LRRC37A2: variants seen among roughly 807,000 people sequenced by gnomAD.
LRRC37A2 encodes leucine-rich repeat-containing protein 37A2.
A neutral mutation model predicts 68.8 loss-of-function variants in LRRC37A2; 9 were observed. The observed-to-expected ratio is 0.13, with a 90% CI of 0.08 to 0.23. LRRC37A2 has a LOEUF of 0.23. LRRC37A2 is among the 10% of genes least tolerant of loss of function. LRRC37A2 has a pLI of 1.00. For synonymous variants in LRRC37A2, 63 were observed against 367.6 expected (o/e 0.17, Z 9.48); for missense variants, 168 against 950.4 (o/e 0.18, Z 10.82).
chr17:46,848,932 GCA>G, the LRRC37A2 span, among the ~76,000 whole-genome samples: 4 of 146,138 alleles, frequency 2.7e-5, no homozygotes, highest in Non-Finnish European at 4.6e-5. Context: ...GTGTGCACGT[GCA>G]CACACACACA....
the LRRC37A2 span, among the ~76,000 whole-genome samples, chr17:46,725,345 A>G: frequency 1.3e-5 from 2 of 152,184 alleles, no homozygotes; most frequent in Non-Finnish European, 2.9e-5. Context: ...ACGAAAGGAT[A>G]GATGGGGTTT....
chr17:46,534,747 GCTC>G (rs2054343293), intron 6 of LRRC37A2, among the ~76,000 whole-genome samples: 1 of 150,056 alleles, frequency 6.7e-6, no homozygotes, highest in Non-Finnish European at 1.5e-5. Flanking sequence ...GGGCAGAGGG[GCTC>G]CTCACTTCCC....
the LRRC37A2 span, among the ~76,000 whole-genome samples, chr17:46,661,378 T>TTTATTATGATTA: frequency 9.4e-6 from 1 of 106,564 alleles, no homozygotes; most frequent in African/African-American, 4.4e-5. Flanking sequence ...TACATTTCTT[T>TTTATTATGATTA]TTATTATTAT....
the LRRC37A2 span, among the ~76,000 whole-genome samples, chr17:46,794,755 T>C: frequency 7.0e-6 from 1 of 142,652 alleles, no homozygotes; most frequent in Non-Finnish European, 1.5e-5. Flanking sequence ...TCTTTTTCTT[T>C]TTTTTTTTTT....
chr17:46,907,579 G>A, the LRRC37A2 span, among the ~76,000 whole-genome samples: 3 of 147,288 alleles, frequency 2.0e-5, no homozygotes, highest in South Asian at 6.5e-4. Flanking sequence ...GCTCACACCT[G>A]TAGCTCCAGC....
the LRRC37A2 span, chr17:46,941,394 T>G: frequency 3.1e-6 from 3 of 982,662 alleles, no homozygotes; most frequent in East Asian, 2.3e-4. Context: ...TCGATATTCA[T>G]TTTTATAACT....
At chr17:47,003,121 AG>A in the LRRC37A2 span, among the ~76,000 whole-genome samples, 5 of 151,370 alleles carry the variant, frequency 3.3e-5, no homozygotes, top group Non-Finnish European at 7.4e-5. Flanking sequence ...TTGGTGGTCC[AG>A]GTCTGTAGTC....
the LRRC37A2 span, chr17:46,929,620 C>G: frequency 9.7e-7 from 1 of 1,032,450 alleles, no homozygotes; most frequent in Non-Finnish European, 1.5e-6. Flanking sequence ...AGTCCTTTCT[C>G]TGATGACAGG....
chr17:47,038,002 A>T, the LRRC37A2 span, among the ~76,000 whole-genome samples: 1 of 151,430 alleles, frequency 6.6e-6, no homozygotes, highest in African/African-American at 2.4e-5. Flanking sequence ...TCTAATTTTA[A>T]TAATTTGGTC....
At chr17:46,752,016 A>G in the LRRC37A2 span, among the ~76,000 whole-genome samples, 1 of 152,188 alleles carries the variant, frequency 6.6e-6, no homozygotes, top group South Asian at 2.1e-4. Flanking sequence ...TTGCACCTCA[A>G]GTCAGTAAGC....
the LRRC37A2 span, among the ~76,000 whole-genome samples, chr17:46,569,349 T>TTA: frequency 0.12 from 16,478 of 142,434 alleles, 4 homozygotes; most frequent in Middle Eastern, 0.18. Flanking sequence ...CATGAAGATT[T>TTA]TATATATATA....
At chr17:46,818,367 G>A in the LRRC37A2 span, 7 of 719,148 alleles carry the variant, frequency 9.7e-6, no homozygotes, top group African/African-American at 1.5e-4. Flanking sequence ...GACACCAGCA[G>A]AAAATCCAGG....
chr17:46,762,525 CTCTT>C, the LRRC37A2 span: 1 of 151,546 alleles, frequency 6.6e-6, no homozygotes, highest in African/African-American at 2.4e-5. Context: ...TGTTTACCTT[CTCTT>C]TAATGACTTA....
At chr17:46,823,829 T>A in the LRRC37A2 span, among the ~76,000 whole-genome samples, 1 of 152,198 alleles carries the variant, frequency 6.6e-6, no homozygotes, top group African/African-American at 2.4e-5. Context: ...CGGTTGCCTG[T>A]CATCTCTGAG....
the LRRC37A2 span, among the ~76,000 whole-genome samples, chr17:46,976,439 C>G: frequency 6.6e-6 from 1 of 151,762 alleles, no homozygotes; most frequent in Non-Finnish European, 1.5e-5. Context: ...CCCAGCTATT[C>G]CGGAGGCTGA....
At chr17:46,778,446 C>A in the LRRC37A2 span, among the ~76,000 whole-genome samples, 1 of 152,146 alleles carries the variant, frequency 6.6e-6, no homozygotes, top group Non-Finnish European at 1.5e-5. Context: ...AGCTCCTGGG[C>A]CAGTGTCGGA....
the LRRC37A2 span, among the ~76,000 whole-genome samples, chr17:46,832,016 G>A: frequency 3.9e-5 from 6 of 152,238 alleles, no homozygotes; most frequent in African/African-American, 1.4e-4. Flanking sequence ...CCTCCTAGGT[G>A]AAGGGTTGTC....
the LRRC37A2 span, among the ~76,000 whole-genome samples, chr17:46,900,162 CATATACATATATAT>C: frequency 0.053 from 5,403 of 101,006 alleles, 181 homozygotes; most frequent in African/African-American, 0.074. Flanking sequence ...TATATATATA[CATATACATATATAT>C]ATATATATAT....
At chr17:46,782,937 GC>G in the LRRC37A2 span, among the ~76,000 whole-genome samples, 18 of 152,352 alleles carry the variant, frequency 1.2e-4, no homozygotes, top group African/African-American at 3.6e-4. Context: ...TTTCTTCTGA[GC>G]CCAAAGGGAC....
Sources: gnomAD v4.1 joint callset for allele counts (sites outside exome capture counted in the v4.1 genomes callset) on GRCh38, gnomAD v4.1.1 for gene constraint, MANE v1.5 for transcripts, NCBI Gene and HGNC (gene_info 2026-07-23, HGNC 2026-07-21) for gene names.